The following DNAAF9 variants were observed in gnomAD, a reference collection of about 807,000 sequenced individuals.
The protein encoded by DNAAF9 is shulin.
Under a neutral mutation model 167.0 loss-of-function variants are expected in DNAAF9, and 90 were observed. That is an observed-to-expected ratio of 0.54 (90% CI 0.45 to 0.64). The LOEUF is 0.64. DNAAF9 is among the 30% of genes least tolerant of loss of function. The pLI, the probability that DNAAF9 is intolerant of heterozygous loss-of-function variation, is 0.00. For synonymous variants in DNAAF9, 491 were observed against 508.8 expected (o/e 0.96, Z 0.47); for missense variants, 1,315 against 1,442.2 (o/e 0.91, Z 1.43).
At chr20:3,399,444 G>A (rs914153223) in intron 1 of DNAAF9, among the ~76,000 whole-genome samples, 12 of 152,050 alleles carry the variant, frequency 7.9e-5, no homozygotes, top group Non-Finnish European at 1.2e-4. Context: ...CACTGACCTT[G>A]CGATCCGCCC....
At chr20:3,400,248 T>C (rs983561183) in intron 1 of DNAAF9, among the ~76,000 whole-genome samples, 2 of 152,132 alleles carry the variant, frequency 1.3e-5, no homozygotes, top group East Asian at 1.9e-4. Flanking sequence ...TAAATCTAAA[T>C]GCAATGTGAA....
Position 3,312,546 on chromosome 20 carries a change from T to A in DNAAF9, c.1678+2487A>T, listed in dbSNP as rs144385276. ...TGCATCCTGAGGAGCTGAAGATAAG[T>A]ACCTTCAGGGGATGGGAACAGATAA... On this transcript the variant is annotated intron_variant, in intron 20 of 36. Coordinates refer to ENST00000252032, the MANE Select transcript of DNAAF9 (RefSeq NM_001009984.3). 1.7e-3 allele frequency among the ~76,000 whole-genome samples: 264 copies of A among 152,208 alleles called. 1 individual carries two copies. Among genetic ancestry groups the A allele is most frequent in the Admixed American group, 2.9e-3 (44 of 15,288 alleles).
chr20:3,325,407 T>C (rs1408237334), intron 13 of DNAAF9, among the ~76,000 whole-genome samples: 1 of 152,154 alleles, frequency 6.6e-6, no homozygotes, highest in African/African-American at 2.4e-5. Context: ...AAAACAAAGA[T>C]GTGAGAACTG....
At chr20:3,292,061 C>T (rs1052957547) in intron 25 of DNAAF9, among the ~76,000 whole-genome samples, 1 of 150,670 alleles carries the variant, frequency 6.6e-6, no homozygotes. Flanking sequence ...TACAGTGGTG[C>T]GATCTTGGCT....
At chr20:3,383,170 CAG>C (rs1223361675) in intron 1 of DNAAF9, among the ~76,000 whole-genome samples, 1 of 152,074 alleles carries the variant, frequency 6.6e-6, no homozygotes, top group South Asian at 2.1e-4. Flanking sequence ...CCAGAAGCTC[CAG>C]AGAGAGGCGC....
chr20:3,401,047 G>C (rs1292950628), intron 1 of DNAAF9, among the ~76,000 whole-genome samples: 1 of 152,230 alleles, frequency 6.6e-6, no homozygotes, highest in South Asian at 2.1e-4. Flanking sequence ...TTAAGGCTGG[G>C]ACCATCTGTA....
chr20:3,281,119 C>T (rs1415890921), intron 28 of DNAAF9, among the ~76,000 whole-genome samples: 1 of 152,132 alleles, frequency 6.6e-6, no homozygotes, highest in Admixed American at 6.5e-5. Flanking sequence ...ACCTCCACCT[C>T]CCGGGTTCAA....
intron 1 of DNAAF9, among the ~76,000 whole-genome samples, chr20:3,387,884 T>TAAAAAAAAAAAAAAAAAAAA (rs557861791): frequency 3.4e-5 from 3 of 87,366 alleles, no homozygotes; most frequent in African/African-American, 9.6e-5. Context: ...CTACAAAAAG[T>TAAAAAAAAAAAAAAAAAAAA]AAAAAAAAAA....
chr20:3,341,978 C>T (rs1483588888), intron 9 of DNAAF9, among the ~76,000 whole-genome samples: 2 of 152,092 alleles, frequency 1.3e-5, no homozygotes, highest in South Asian at 2.1e-4. Flanking sequence ...GGGGTTTCAC[C>T]GTGTTAGCCA....
At chr20:3,310,671 T>A (rs1600758534) in intron 20 of DNAAF9, among the ~76,000 whole-genome samples, 3 of 146,558 alleles carry the variant, frequency 2.0e-5, no homozygotes, top group South Asian at 2.1e-4. Context: ...GACAACAGAG[T>A]GAGACTTAGT....
At position 3,407,599 on chromosome 20, in the gene DNAAF9, G is replaced by C; in HGVS notation, c.-42C>G. 3 of 1,214,066 alleles carry C rather than the reference G, an allele frequency of 2.5e-6. No homozygotes were observed. The highest frequency in any genetic ancestry group is 2.0e-6 in the Non-Finnish European group (2 of 976,444). The allele number at this position is 1,214,066 out of a possible 1,614,324, so 75.2% of individuals were successfully genotyped here. A position where few individuals can be genotyped will look rare whatever the true frequency, so the allele number is the denominator to read the frequency against. ...CGGCGGAGGAGGACGGTGCAGCTGC[G>C]AGGGTCTCAGTTGCCCGCAGGGCGG... On this transcript the variant is annotated 5_prime_UTR_variant, in exon 1 of 37. Coordinates refer to ENST00000252032, the MANE Select transcript of DNAAF9 (RefSeq NM_001009984.3).
chr20:3,402,519 C>T (rs2123311370), intron 1 of DNAAF9, among the ~76,000 whole-genome samples: 1 of 152,238 alleles, frequency 6.6e-6, no homozygotes, highest in Middle Eastern at 3.4e-3. Flanking sequence ...CAATCAACAT[C>T]TCCCCATCCC....
chr20:3,316,230 A>T (rs945662380), intron 18 of DNAAF9: 2 of 193,300 alleles, frequency 1.0e-5, no homozygotes, highest in Admixed American at 5.4e-5. Context: ...GCCCATTAGC[A>T]GACTAACTGC....
At chr20:3,325,749 CAT>C (rs2069699326) in intron 13 of DNAAF9, among the ~76,000 whole-genome samples, 1 of 152,174 alleles carries the variant, frequency 6.6e-6, no homozygotes, top group Non-Finnish European at 1.5e-5. Context: ...AACGGGAACA[CAT>C]GTGCTTGTCT....
At chr20:3,307,087 C>T in intron 20 of DNAAF9, 3 of 985,284 alleles carry the variant, frequency 3.0e-6, no homozygotes, top group Admixed American at 6.1e-5. Context: ...CAGAAAAAAG[C>T]ACAGATTGGA....
chr20:3,289,104 T>G (rs1219204691), intron 26 of DNAAF9, among the ~76,000 whole-genome samples: 1 of 152,026 alleles, frequency 6.6e-6, no homozygotes, highest in Non-Finnish European at 1.5e-5. Flanking sequence ...CTCAGCTACT[T>G]TGTAGAATGA....
chr20:3,346,790 T>C (rs1236629795), intron 8 of DNAAF9, among the ~76,000 whole-genome samples: 3 of 152,148 alleles, frequency 2.0e-5, no homozygotes, highest in African/African-American at 7.2e-5. Context: ...GTATACCTTG[T>C]GGAATCTCTT....
At chr20:3,338,239 T>C (rs547331428) in intron 10 of DNAAF9, among the ~76,000 whole-genome samples, 15 of 152,232 alleles carry the variant, frequency 9.9e-5, no homozygotes, top group African/African-American at 3.4e-4. Context: ...TTGTTGGATA[T>C]AAAATGTGGT....
At chr20:3,346,843 C>T (rs2070203180) in intron 8 of DNAAF9, among the ~76,000 whole-genome samples, 1 of 151,982 alleles carries the variant, frequency 6.6e-6, no homozygotes, top group Admixed American at 6.5e-5. Context: ...AAAAGAACTC[C>T]CCAAACTGAA....
Sources: allele counts gnomAD v4.1 joint callset (sites outside exome capture counted in the v4.1 genomes callset), GRCh38; gene constraint gnomAD v4.1.1; transcripts MANE v1.5; gene names NCBI Gene and HGNC (gene_info 2026-07-23, HGNC 2026-07-21).